The following COL18A1 variants were observed in gnomAD, a reference collection of about 807,000 sequenced individuals.
COL18A1 encodes collagen type XVIII alpha 1 chain, also known as collagen alpha-1(XVIII) chain.
Under a neutral mutation model 168.0 loss-of-function variants are expected in COL18A1, and 133 were observed. The ratio of observed to expected loss-of-function variants is 0.79; its 90% CI spans 0.69 to 0.91. COL18A1 has a LOEUF of 0.91. Among genes scored for constraint, COL18A1 ranks in the 40% least tolerant of loss-of-function variants. COL18A1 has a pLI of 0.00. For missense variants in COL18A1, 2,126 were observed against 1,925.4 expected (o/e 1.10, Z -1.95); for synonymous variants, 949 against 809.0 (o/e 1.17, Z -2.94).
chr21:45,487,616 C>T (rs764642875), intron 17 of COL18A1, 107 bp downstream of exon 17: 4 of 1,430,502 alleles, frequency 2.8e-6, no homozygotes. Flanking sequence ...TCGGAAGCCG[C>T]CCTGCAGAGC....
chr21:45,506,268 TAAGAC>T (rs1352188006), intron 37 of COL18A1: 4 of 415,382 alleles, frequency 9.6e-6, no homozygotes, highest in Admixed American at 7.1e-5. Flanking sequence ...CACCCGATAA[TAAGAC>T]AAGGCGCCTG....
At chr21:45,445,283 C>T (rs942820783) in intron 2 of COL18A1, among the ~76,000 whole-genome samples, 1 of 152,226 alleles carries the variant, frequency 6.6e-6, no homozygotes. Flanking sequence ...CACCCTGTCC[C>T]AGGGCTTCAT....
In COL18A1 at chr21:45,504,241, G is replaced by A. The variant is rs542523090; in HGVS notation, c.2728-175G>A. 1.0e-4 allele frequency: 91 copies of A among 887,476 alleles called. 3 individuals are homozygous for A. In the South Asian group the frequency reaches 1.4e-3, roughly 14 times the overall value. The allele number at this position is 887,476 out of a possible 1,614,324, so 55.0% of individuals were successfully genotyped here. On this transcript the variant is annotated intron_variant, in intron 33 of 41. Transcript: ENST00000651438. ...CCTGTCCCCGGCTCAGTTTTTGGGG[G>A]ACTCGGCTGATGCAGTGGGAGGTGG...
At chr21:45,497,019 C>G (rs1184879967) in intron 30 of COL18A1, 31 bp from the exon 31 acceptor site, 1 of 1,572,946 alleles carries the variant, frequency 6.4e-7, no homozygotes, top group Non-Finnish European at 8.7e-7. Context: ...GAACATCGCC[C>G]TCAGCAGCCG....
intron 15 of COL18A1, among the ~76,000 whole-genome samples, chr21:45,484,110 G>A (rs867737534): frequency 6.3e-4 from 54 of 86,360 alleles, no homozygotes; most frequent in African/African-American, 1.9e-3. Context: ...CAGCATATGT[G>A]CACACGCACA....
At chr21:45,509,857 G>T (rs1199309339) in intron 39 of COL18A1, among the ~76,000 whole-genome samples, 1 of 152,194 alleles carries the variant, frequency 6.6e-6, no homozygotes, top group Non-Finnish European at 1.5e-5. Flanking sequence ...CGGCAGCTGG[G>T]GGCACCCACG....
chr21:45,496,444 C>T, intron 29 of COL18A1, 56 bp from the exon 30 acceptor site: 2 of 821,592 alleles, frequency 2.4e-6, no homozygotes, highest in Non-Finnish European at 4.4e-6. Context: ...TCTCTGCTCC[C>T]AGCTGCTGCC....
rs557802919 is a variant in COL18A1 at position 45,493,517 on chromosome 21, C to A, written c.2294C>A (p.Pro765Gln). ...SPGPKGEKGE[P>Q]GSIFSPDGGA... ...CCATTCCAGGGTGAGAAGGGTGAAC[C>A]GGGCAGCATCTTCAGCCCCGACGGC... is the stretch of plus-strand genomic sequence containing the variant. The change falls in exon 26 of 42, where the codon CCG becomes CAG. Residue 765 changes from proline (P) to glutamine (Q), a missense_variant. Coordinates refer to ENST00000651438, the MANE Select transcript of COL18A1 (RefSeq NM_001379500.1). The A allele has an allele frequency of 9.0e-6, 14 of 1,561,504 alleles. No homozygotes were observed. The highest frequency in any genetic ancestry group is 1.2e-5 in the Non-Finnish European group (14 of 1,153,838).
chr21:45,454,690 C>T (rs989683145), intron 2 of COL18A1, among the ~76,000 whole-genome samples: 1 of 152,230 alleles, frequency 6.6e-6, no homozygotes, highest in African/African-American at 2.4e-5. Context: ...ACTCAGCACC[C>T]ACTGCTGTGC....
intron 13 of COL18A1, among the ~76,000 whole-genome samples, chr21:45,481,236 C>T (rs3818655): frequency 2.6e-5 from 4 of 152,096 alleles, no homozygotes; most frequent in Non-Finnish European, 4.4e-5. Context: ...GCTTGGCCAA[C>T]GCGGCTCGTA....
In COL18A1 at chr21:45,443,966, G is replaced by A. The variant is rs1246345173; in HGVS notation, c.107-24276G>A. ...CTTTTGGGTGGCCAGGATGTCACAGGGCGAGTAGGTGTCTGGCCCTACCAC... is the reference window on the plus strand; with the variant it reads ...CTTTTGGGTGGCCAGGATGTCACAGAGCGAGTAGGTGTCTGGCCCTACCAC... On this transcript the variant is annotated intron_variant, in intron 2 of 41. Coordinates refer to ENST00000651438, the MANE Select transcript of COL18A1 (RefSeq NM_001379500.1). The surrounding 1 kb of genome is among the most constrained non-coding windows in gnomAD (Gnocchi z 5.2). 1.3e-5 allele frequency among the ~76,000 whole-genome samples: 2 copies of A among 152,140 alleles called. No individual in the cohort carries two copies. The highest frequency in any genetic ancestry group is 2.9e-5 in the Non-Finnish European group (2 of 68,030).
intron 12 of COL18A1, 83 bp from the exon 13 acceptor site, chr21:45,480,617 G>A: frequency 1.2e-6 from 2 of 1,612,928 alleles, no homozygotes; most frequent in Non-Finnish European, 1.7e-6. Context: ...GTGGGGGGTG[G>A]GGATGAGGCC....
At chr21:45,419,312 C>T (rs560095299) in intron 2 of COL18A1, among the ~76,000 whole-genome samples, 24 of 151,434 alleles carry the variant, frequency 1.6e-4, no homozygotes, top group Admixed American at 4.6e-4. Context: ...CGTGTAGTGA[C>T]GCAATGCCGT....
intron 2 of COL18A1, among the ~76,000 whole-genome samples, chr21:45,439,579 G>A (rs1345016532): frequency 6.6e-6 from 1 of 152,274 alleles, no homozygotes; most frequent in Non-Finnish European, 1.5e-5. Flanking sequence ...CTGGCGGCCG[G>A]TCCCTGGCTT....
Position 45,480,811 on chromosome 21 carries a change from C to T in COL18A1, c.1564C>T (p.Pro522Ser). 2 of 1,612,042 alleles carry T rather than the reference C, an allele frequency of 1.2e-6. No homozygotes were observed. Among genetic ancestry groups the T allele is most frequent in the Non-Finnish European group, 1.7e-6 (2 of 1,179,750 alleles). The change falls in exon 13 of 42, where the codon CCT becomes TCT. Residue 522 changes from proline to serine, a missense_variant. By Grantham distance (74) the Pro-to-Ser change is moderately conservative. Transcript: ENST00000651438. ...SSDVPGPAGL[P>S]GVPGREGPPG... The stretch of plus-strand genomic sequence containing the variant: ...CGACGTCCCAGGACCCGCCGGCCTT[C>T]CTGGTGTGCCTGGGCGCGAGGGTCC...
intron 11 of COL18A1, 75 bp downstream of exon 11, chr21:45,480,231 G>A (rs1040191957): frequency 1.8e-6 from 2 of 1,138,438 alleles, no homozygotes; most frequent in Non-Finnish European, 2.6e-6. Flanking sequence ...TGGCCCAGAA[G>A]TATCAGCTCC....
chr21:45,418,263 C>T (rs758127081), intron 2 of COL18A1, among the ~76,000 whole-genome samples: 11 of 152,218 alleles, frequency 7.2e-5, no homozygotes, highest in East Asian at 1.9e-4. Context: ...GTCTGCATCC[C>T]GGCCCCCGGC....
At chr21:45,478,270 G>A in intron 8 of COL18A1, 57 bp from the exon 9 acceptor site, 1 of 1,611,150 alleles carries the variant, frequency 6.2e-7, no homozygotes, top group African/African-American at 1.3e-5. Context: ...TGTAGACACT[G>A]TAGGTGGCGC....
intron 19 of COL18A1, 131 bp from the exon 20 acceptor site, chr21:45,490,144 C>T (rs955063393): frequency 1.7e-5 from 10 of 586,072 alleles, no homozygotes; most frequent in African/African-American, 2.4e-5. Flanking sequence ...AGCCCCTGCT[C>T]AGGCCCACAG....
Sources: gnomAD v4.1 joint callset for allele counts (sites outside exome capture counted in the v4.1 genomes callset) on GRCh38, gnomAD v4.1.1 for gene constraint, Gnocchi (gnomAD v3.1) non-coding constraint, MANE v1.5 for transcripts, NCBI Gene and HGNC (gene_info 2026-07-23, HGNC 2026-07-21) for gene names.